ESRRG: variants seen among roughly 807,000 people sequenced by gnomAD.
ESRRG encodes estrogen-related receptor gamma.
ESRRG carries 13 observed loss-of-function variants against 44.0 expected under a neutral mutation model. That is an observed-to-expected ratio of 0.30 (90% confidence interval 0.19 to 0.47). The LOEUF is 0.47. Ranked by LOEUF, ESRRG falls within the 20% of genes least tolerant of loss-of-function variation. ESRRG has a pLI of 1.00. For missense variants in ESRRG, 395 were observed against 580.6 expected, an observed-to-expected ratio of 0.68 and a Z score of 3.29; for synonymous variants, 215 against 214.6, an observed-to-expected ratio of 1.00 and a Z score of -0.02.
intron 1 of ESRRG, among the ~76,000 whole-genome samples, chr1:217,058,015 G>A (rs180997552): frequency 9.9e-5 from 15 of 152,196 alleles, no homozygotes; most frequent in East Asian, 3.9e-4. Context: ...TAAGAAAAGC[G>A]AGGGAAGAGA....
chr1:216,598,980 G>A (rs1647222121), intron 3 of ESRRG, among the ~76,000 whole-genome samples: 2 of 152,184 alleles, frequency 1.3e-5, no homozygotes, highest in South Asian at 4.1e-4. Flanking sequence ...AAAATAATAT[G>A]TTATAAATTG....
intron 1 of ESRRG, among the ~76,000 whole-genome samples, chr1:217,103,977 A>T (rs1322549615): frequency 6.6e-6 from 1 of 152,168 alleles, no homozygotes; most frequent in Non-Finnish European, 1.5e-5. Context: ...TGATGGCAGG[A>T]TCAACCTCAC....
chr1:216,810,138 C>T (rs1347315515), intron 2 of ESRRG, among the ~76,000 whole-genome samples: 1 of 152,078 alleles, frequency 6.6e-6, no homozygotes, highest in Non-Finnish European at 1.5e-5. Context: ...AGAGAAGCAG[C>T]AGGGCCAAAT....
chr1:217,130,483 T>G (rs1488339706), intron 1 of ESRRG, among the ~76,000 whole-genome samples: 1 of 152,092 alleles, frequency 6.6e-6, no homozygotes, highest in Non-Finnish European at 1.5e-5. Flanking sequence ...CAATTCTCTC[T>G]CCTGGGCCTC....
intron 1 of ESRRG, among the ~76,000 whole-genome samples, chr1:216,973,718 C>G (rs1260205346): frequency 6.6e-6 from 1 of 151,512 alleles, no homozygotes; most frequent in South Asian, 2.1e-4. Flanking sequence ...CCCAGCTACT[C>G]GGGAGGCTGA....
chr1:216,983,678 G>A (rs923603252), intron 1 of ESRRG, among the ~76,000 whole-genome samples: 1 of 85,104 alleles, frequency 1.2e-5, no homozygotes, highest in Non-Finnish European at 2.1e-5. Flanking sequence ...CCTTTCGCGT[G>A]CATGTGCATG....
intron 1 of ESRRG, among the ~76,000 whole-genome samples, chr1:217,068,127 A>G (rs769344311): frequency 2.0e-5 from 3 of 152,206 alleles, no homozygotes; most frequent in Non-Finnish European, 2.9e-5. Flanking sequence ...TCTTCTGAGG[A>G]GCAGAGATTG....
At chr1:217,120,852 A>ATCACAGTTGCAATT (rs557338726) in intron 1 of ESRRG, among the ~76,000 whole-genome samples, 5 of 152,144 alleles carry the variant, frequency 3.3e-5, no homozygotes, top group Admixed American at 6.5e-5. Context: ...CATAGTATTT[A>ATCACAGTTGCAATT]TCACAGTTGC....
chr1:216,833,014 A>G (rs2095510312), intron 2 of ESRRG, among the ~76,000 whole-genome samples: 1 of 142,290 alleles, frequency 7.0e-6, no homozygotes, highest in Non-Finnish European at 1.5e-5. Context: ...TGCTTTGTAA[A>G]TTAATTTTAT....
Position 216,610,389 on chromosome 1 carries a change from G to A in ESRRG, c.589+40584C>T, listed in dbSNP as rs1004448904. On this transcript the variant is annotated intron_variant, in intron 3 of 6. Transcript: ENST00000408911. ...CATATCCTTAATAGGCTAAGTCCAT[G>A]CAGCTTGCAGGGCTTGAAGGCATTT... Among the ~76,000 whole-genome samples the A allele has an allele frequency of 4.6e-5, 7 of 152,122 alleles. No homozygotes were observed. The East Asian group carries it at 1.2e-3, about 25-fold the overall frequency.
chr1:216,935,731 C>T (rs1314270085), intron 2 of ESRRG, among the ~76,000 whole-genome samples: 1 of 152,004 alleles, frequency 6.6e-6, no homozygotes, highest in Non-Finnish European at 1.5e-5. Flanking sequence ...GTTCTCCTGC[C>T]TCAGCCTCCC....
chr1:216,675,028 G>A (rs1255682514), intron 2 of ESRRG, among the ~76,000 whole-genome samples: 1 of 152,122 alleles, frequency 6.6e-6, no homozygotes, highest in Non-Finnish European at 1.5e-5. Context: ...AATATTCAGT[G>A]CAACTGATGA....
At chr1:217,048,145 G>T (rs1320554179) in intron 1 of ESRRG, among the ~76,000 whole-genome samples, 1 of 152,178 alleles carries the variant, frequency 6.6e-6, no homozygotes, top group Non-Finnish European at 1.5e-5. Context: ...GTAAGTGTAA[G>T]GGTAGCTTCC....
chr1:217,116,046 AG>A (rs1469191589), intron 1 of ESRRG, among the ~76,000 whole-genome samples: 2 of 152,356 alleles, frequency 1.3e-5, no homozygotes, highest in East Asian at 3.9e-4. Flanking sequence ...TATCATAAGT[AG>A]ATGAAGAAAG....
rs113667822 is a variant in ESRRG at position 216,707,401 on chromosome 1, C to T, written c.56+15843G>A. Reference sequence around the variant, plus strand: ...ACAGGCCAGATCAGACTTGACTGCTCCAAGACCCCAATCACATTCTCGCCA... The same window carrying T: ...ACAGGCCAGATCAGACTTGACTGCTTCAAGACCCCAATCACATTCTCGCCA... On this transcript the variant is annotated intron_variant, in intron 1 of 6. Transcript: ENST00000408911. 14,098 of 1,535,928 alleles carry T rather than the reference C, an allele frequency of 9.2e-3. 75 individuals carry two copies. The highest frequency in any genetic ancestry group is 0.011 in the Non-Finnish European group (12,872 of 1,146,772).
Position 216,681,400 on chromosome 1 carries a change from C to T in ESRRG, c.57-3909G>A, listed in dbSNP as rs140250666. Among the ~76,000 whole-genome samples the T allele has an allele frequency of 9.3e-3, 1,412 of 152,142 alleles. 24 individuals are homozygous for T. Among genetic ancestry groups the T allele is most frequent in the African/African-American group, 0.032 (1,332 of 41,484 alleles). On this transcript the variant is annotated intron_variant, in intron 1 of 6. Transcript: ENST00000408911. ...TGTTGGTGTGCTGCACCCATTAACT[C>T]GTCATTTACATTAGGTATATCTCCT...
At chr1:216,654,989 C>G (rs536315285) in intron 2 of ESRRG, among the ~76,000 whole-genome samples, 1 of 152,018 alleles carries the variant, frequency 6.6e-6, no homozygotes, top group Non-Finnish European at 1.5e-5. Flanking sequence ...GGAATAATTA[C>G]GTAAAGATTT....
intron 2 of ESRRG, among the ~76,000 whole-genome samples, chr1:216,885,380 T>C (rs144160263): frequency 6.1e-4 from 93 of 152,194 alleles, no homozygotes; most frequent in African/African-American, 2.2e-3. Flanking sequence ...TTTCACAGAT[T>C]GGCTTCTAAA....
At chr1:216,759,411 A>G (rs1010074487) in intron 2 of ESRRG, among the ~76,000 whole-genome samples, 1 of 152,068 alleles carries the variant, frequency 6.6e-6, no homozygotes, top group African/African-American at 2.4e-5. Context: ...GTACCCCAGC[A>G]AACCTCCTAA....
Sources: allele counts gnomAD v4.1 joint callset (sites outside exome capture counted in the v4.1 genomes callset), GRCh38; gene constraint gnomAD v4.1.1; transcripts MANE v1.5; gene names NCBI Gene and HGNC (gene_info 2026-07-23, HGNC 2026-07-21).